EBF1: variants seen among roughly 807,000 people sequenced by gnomAD.
The protein encoded by EBF1 is EBF transcription factor 1, also known as transcription factor COE1.
A neutral mutation model predicts 68.4 loss-of-function variants in EBF1; 10 were observed. The observed-to-expected ratio is 0.15, with a 90% CI of 0.09 to 0.25. The LOEUF (loss-of-function observed/expected upper bound fraction) is 0.25. Ranked by LOEUF, EBF1 falls within the 10% of genes least tolerant of loss-of-function variation. The pLI, the probability that EBF1 is intolerant of heterozygous loss-of-function variation, is 1.00. For synonymous variants in EBF1, 298 were observed against 299.8 expected, an observed-to-expected ratio of 0.99 and a Z score of 0.06; for missense variants, 509 against 794.4, an observed-to-expected ratio of 0.64 and a Z score of 4.32.
At chr5:158,843,960 G>A (rs1439466362) in intron 6 of EBF1, among the ~76,000 whole-genome samples, 4 of 152,170 alleles carry the variant, frequency 2.6e-5, no homozygotes, top group Non-Finnish European at 5.9e-5. Context: ...ACAAAGCAGA[G>A]GTTATTGTAA....
In EBF1 at chr5:158,845,470, G is replaced by T. The variant is rs145884383; in HGVS notation, c.555-5360C>A. On this transcript the variant is annotated intron_variant, in intron 6 of 15. Coordinates refer to ENST00000313708, the MANE Select transcript of EBF1 (RefSeq NM_024007.5). ...CGGAACCTACTTTAAAGAGTTAAGA[G>T]AATTAAATGAGTTAACATATGTGGA... Among the ~76,000 whole-genome samples the T allele has an allele frequency of 4.3e-4, 65 of 152,294 alleles. 1 individual carries two copies. In the East Asian group the frequency reaches 0.012, roughly 27 times the overall value.
In EBF1 at chr5:158,808,092, G is replaced by A. The variant is rs114892745; in HGVS notation, c.779-11617C>T. Among the ~76,000 whole-genome samples, 793 of 152,182 alleles carry A rather than the reference G, an allele frequency of 5.2e-3. 4 individuals carry two copies. The highest frequency in any genetic ancestry group is 8.5e-3 in the Non-Finnish European group (581 of 67,994). On this transcript the variant is annotated intron_variant, in intron 8 of 15. Coordinates refer to ENST00000313708, the MANE Select transcript of EBF1 (RefSeq NM_024007.5). The stretch of plus-strand genomic sequence containing the variant: ...ACATTTAGTGACACTGCAATCCAGC[G>A]TTTGTTACAGCACAGATGTTTCCGT...
chr5:158,814,982 T>G (rs1279396480), intron 8 of EBF1, among the ~76,000 whole-genome samples: 1 of 152,184 alleles, frequency 6.6e-6, no homozygotes, highest in Non-Finnish European at 1.5e-5. Context: ...GGCTAACTTT[T>G]GAAAAGTCTG....
At chr5:158,725,292 T>TC (rs1384135922) in intron 11 of EBF1, among the ~76,000 whole-genome samples, 2 of 152,188 alleles carry the variant, frequency 1.3e-5, no homozygotes, top group Non-Finnish European at 2.9e-5. Context: ...CCACAACCCC[T>TC]CCTTCCCACC....
chr5:158,872,518 G>C (rs1212019914), intron 6 of EBF1, among the ~76,000 whole-genome samples: 3 of 152,080 alleles, frequency 2.0e-5, no homozygotes, highest in African/African-American at 4.8e-5. Context: ...GGTCTTTTCT[G>C]ATTTTGGTGA....
chr5:158,903,778 T>C (rs540819853), intron 6 of EBF1, among the ~76,000 whole-genome samples: 2 of 152,296 alleles, frequency 1.3e-5, no homozygotes, highest in East Asian at 3.9e-4. Flanking sequence ...CTATCTCACC[T>C]CTCTGTATTC....
chr5:158,922,472 C>T (rs1808648443), intron 6 of EBF1, among the ~76,000 whole-genome samples: 1 of 152,186 alleles, frequency 6.6e-6, no homozygotes, highest in Admixed American at 6.5e-5. Context: ...AAGGGGCAGA[C>T]ATTTAAAATA....
chr5:158,938,493 G>A (rs1380397929), intron 6 of EBF1, among the ~76,000 whole-genome samples: 1 of 152,208 alleles, frequency 6.6e-6, no homozygotes, highest in South Asian at 2.1e-4. Flanking sequence ...GTTGGCTGGG[G>A]CTGCCATAAC....
chr5:158,786,959 G>C (rs1777571966), intron 9 of EBF1, among the ~76,000 whole-genome samples: 1 of 152,154 alleles, frequency 6.6e-6, no homozygotes, highest in Non-Finnish European at 1.5e-5. Flanking sequence ...TTACGATACA[G>C]AGACTCACTC....
chr5:158,892,945 C>A (rs1801466869), intron 6 of EBF1, among the ~76,000 whole-genome samples: 1 of 151,988 alleles, frequency 6.6e-6, no homozygotes, highest in Admixed American at 6.6e-5. Context: ...TAAGGTTATT[C>A]CTTTGGCTTC....
intron 11 of EBF1, among the ~76,000 whole-genome samples, chr5:158,725,742 G>GGAGAGAAAACCCGGGTGAGAGATTC (rs1403943527): frequency 2.0e-5 from 3 of 152,292 alleles, no homozygotes; most frequent in African/African-American, 7.2e-5. Context: ...TGGGAAGTTG[G>GGAGAGAAAACCCGGGTGAGAGATTC]GAGAGAAAAC....
intron 6 of EBF1, among the ~76,000 whole-genome samples, chr5:159,035,782 G>A (rs1235812284): frequency 6.6e-6 from 1 of 152,230 alleles, no homozygotes; most frequent in East Asian, 1.9e-4. Flanking sequence ...TGAAGAATGT[G>A]AGGAAACAGA....
chr5:158,812,323 C>G (rs984873702), intron 8 of EBF1, among the ~76,000 whole-genome samples: 1 of 152,200 alleles, frequency 6.6e-6, no homozygotes, highest in Non-Finnish European at 1.5e-5. Context: ...ACAATTGCCA[C>G]TACACCCACA....
intron 6 of EBF1, among the ~76,000 whole-genome samples, chr5:158,959,823 T>C (rs565220872): frequency 6.6e-6 from 1 of 152,188 alleles, no homozygotes; most frequent in East Asian, 1.9e-4. Context: ...ATAATAGTCA[T>C]GAAAATGGGG....
At chr5:158,845,676 T>G (rs1304994131) in intron 6 of EBF1, among the ~76,000 whole-genome samples, 4 of 138,622 alleles carry the variant, frequency 2.9e-5, no homozygotes, top group Non-Finnish European at 6.2e-5. Context: ...CAATGAGAAC[T>G]ATAGGTTTCA....
At chr5:158,753,428 C>T (rs574703272) in intron 10 of EBF1, among the ~76,000 whole-genome samples, 1 of 152,228 alleles carries the variant, frequency 6.6e-6, no homozygotes, top group East Asian at 1.9e-4. Flanking sequence ...GAAAGAAATT[C>T]TAGCCCTCTG....
intron 11 of EBF1, among the ~76,000 whole-genome samples, chr5:158,723,544 A>G (rs1214356592): frequency 6.6e-6 from 1 of 152,166 alleles, no homozygotes; most frequent in Non-Finnish European, 1.5e-5. Context: ...GGCAAAATAT[A>G]TGCATTCTTA....
intron 6 of EBF1, among the ~76,000 whole-genome samples, chr5:159,067,882 A>G (rs1455260077): frequency 6.6e-6 from 1 of 152,104 alleles, no homozygotes; most frequent in Non-Finnish European, 1.5e-5. Flanking sequence ...CCAACCAAAA[A>G]CACAATAATT....
chr5:159,061,729 GTT>G (rs59750224), intron 6 of EBF1, among the ~76,000 whole-genome samples: 5 of 145,342 alleles, frequency 3.4e-5, no homozygotes, highest in African/African-American at 5.1e-5. Flanking sequence ...AGATTGTTTT[GTT>G]TTTTTTTTTT....
Sources: allele counts gnomAD v4.1 joint callset (sites outside exome capture counted in the v4.1 genomes callset), GRCh38; gene constraint gnomAD v4.1.1; transcripts MANE v1.5; gene names NCBI Gene and HGNC (gene_info 2026-07-23, HGNC 2026-07-21).